MYOZ2: variants seen among roughly 807,000 people sequenced by gnomAD.
MYOZ2 encodes myozenin 2.
A neutral mutation model predicts 25.4 loss-of-function variants in MYOZ2; 19 were observed. The observed-to-expected ratio is 0.75, with a 90% CI of 0.52 to 1.10. The LOEUF (loss-of-function observed/expected upper bound fraction) is 1.10, where lower values mean the gene tolerates loss of function less well. Ranked by LOEUF, MYOZ2 falls within the 50% of genes least tolerant of loss-of-function variation. MYOZ2 has a pLI of 0.00. For missense variants in MYOZ2, 270 were observed against 317.9 expected, an observed-to-expected ratio of 0.85 and a Z score of 1.15; for synonymous variants, 92 against 106.9, an observed-to-expected ratio of 0.86 and a Z score of 0.86.
chr4:119,150,962 G>A lies in MYOZ2; in HGVS notation c.167G>A (p.Arg56Lys). 2 of 1,613,596 alleles carry A rather than the reference G, an allele frequency of 1.2e-6. No homozygotes were observed. The highest frequency in any genetic ancestry group is 1.7e-6 in the Non-Finnish European group (2 of 1,179,590). Residue 56 changes from arginine (R) to lysine (K), a missense_variant, in exon 3 of 6, where the codon AGG becomes AAG. Transcript: ENST00000307128. Reference sequence around the variant, plus strand: ...TCCCATCTCAGTAACCGTGGTGCCAGGCTATTTAAGATGCGTCAAAGAAGA... The same window carrying A: ...TCCCATCTCAGTAACCGTGGTGCCAAGCTATTTAAGATGCGTCAAAGAAGA... The part of the protein sequence containing the change: ...ELSHLSNRGA[R>K]LFKMRQRRSD...
intron 3 of MYOZ2, among the ~76,000 whole-genome samples, chr4:119,154,856 TAC>T (rs199500749): frequency 2.9e-4 from 9 of 31,556 alleles, no homozygotes; most frequent in South Asian, 1.2e-3. Context: ...AATGTTATAT[TAC>T]ACACACACAC....
intron 5 of MYOZ2, 69 bp from the exon 6 acceptor site, chr4:119,185,897 T>A: frequency 7.8e-7 from 1 of 1,290,204 alleles, no homozygotes; most frequent in Non-Finnish European, 1.1e-6. Context: ...TATAAAATTA[T>A]GAAATTGTTT....
intron 1 of MYOZ2, 144 bp from the exon 2 acceptor site, chr4:119,136,368 G>C (rs1385684124): frequency 2.8e-5 from 20 of 706,562 alleles, no homozygotes; most frequent in Middle Eastern, 3.7e-4. Flanking sequence ...CACCAGATAA[G>C]GAATGCGTAT....
intron 5 of MYOZ2, among the ~76,000 whole-genome samples, chr4:119,181,725 T>C (rs1022457123): frequency 6.6e-6 from 1 of 152,178 alleles, no homozygotes; most frequent in Non-Finnish European, 1.5e-5. Context: ...GGAGTATATA[T>C]GTATTAAACA....
intron 2 of MYOZ2, among the ~76,000 whole-genome samples, chr4:119,136,948 C>T (rs1455096510): frequency 1.3e-5 from 2 of 151,978 alleles, no homozygotes; most frequent in Non-Finnish European, 2.9e-5. Flanking sequence ...CTTTATTGTC[C>T]ATCCCACATG....
At position 119,159,782 on chromosome 4, in the gene MYOZ2, T is replaced by C. The variant is rs11946430; in HGVS notation, c.376+1631T>C. On this transcript the variant is annotated intron_variant, in intron 4 of 5. Transcript: ENST00000307128. ...AGCACCTGTACAACATTAAATATTA[T>C]TTAAAAATAAGGTATTAGAGCATTC... Among the ~76,000 whole-genome samples, 450 of 152,228 alleles carry C rather than the reference T, an allele frequency of 3.0e-3. 4 individuals carry two copies. Among genetic ancestry groups the C allele is most frequent in the African/African-American group, 0.01 (431 of 41,542 alleles).
chr4:119,163,122 G>T (rs1741745769), intron 4 of MYOZ2, among the ~76,000 whole-genome samples: 1 of 152,060 alleles, frequency 6.6e-6, no homozygotes, highest in South Asian at 2.1e-4. Context: ...GCAGAGAAAA[G>T]GAGCCTACAC....
intron 2 of MYOZ2, among the ~76,000 whole-genome samples, chr4:119,140,787 T>C (rs1355973185): frequency 6.6e-6 from 1 of 152,230 alleles, no homozygotes; most frequent in Non-Finnish European, 1.5e-5. Flanking sequence ...ACATTGGTAA[T>C]GTCATTTTTT....
At chr4:119,161,714 G>T (rs971644613) in intron 4 of MYOZ2, among the ~76,000 whole-genome samples, 19 of 151,984 alleles carry the variant, frequency 1.3e-4, no homozygotes, top group African/African-American at 4.6e-4. Context: ...ACATAACCAT[G>T]GTTCCTTAAT....
intron 3 of MYOZ2, 40 bp from the exon 4 acceptor site, chr4:119,157,982 T>G: frequency 6.2e-7 from 1 of 1,611,784 alleles, no homozygotes. Flanking sequence ...GTGCTTACAT[T>G]TTTGAGTTTT....
intron 5 of MYOZ2, among the ~76,000 whole-genome samples, chr4:119,185,505 G>C (rs1306142653): frequency 6.6e-6 from 1 of 152,068 alleles, no homozygotes; most frequent in Non-Finnish European, 1.5e-5. Flanking sequence ...AGTAGAGACA[G>C]GATTTTGCCA....
chr4:119,143,594 C>T (rs369833784), intron 2 of MYOZ2, among the ~76,000 whole-genome samples: 2 of 152,180 alleles, frequency 1.3e-5, no homozygotes, highest in Admixed American at 6.5e-5. Flanking sequence ...CTTTGTGTTA[C>T]GCAGTTCTAC....
chr4:119,166,061 T>G (rs1160954088), intron 5 of MYOZ2, among the ~76,000 whole-genome samples: 1 of 152,108 alleles, frequency 6.6e-6, no homozygotes, highest in Non-Finnish European at 1.5e-5. Context: ...GTGTGAAAAC[T>G]TAATCTGCTA....
At chr4:119,147,919 T>A (rs573130381) in intron 2 of MYOZ2, among the ~76,000 whole-genome samples, 1 of 152,282 alleles carries the variant, frequency 6.6e-6, no homozygotes, top group East Asian at 1.9e-4. Context: ...TATATAGCTA[T>A]ATTTCTGCTT....
At chr4:119,147,518 A>G (rs953086734) in intron 2 of MYOZ2, among the ~76,000 whole-genome samples, 2 of 152,028 alleles carry the variant, frequency 1.3e-5, no homozygotes, top group Non-Finnish European at 2.9e-5. Context: ...AGGTGGGCGG[A>G]TCACTTGAGG....
At position 119,187,509 on chromosome 4, in the gene MYOZ2, A is replaced by G. The variant is rs530047295; in HGVS notation, c.*1309A>G. The G allele has an allele frequency of 9.9e-5, 15 of 152,268 alleles. No homozygotes were observed. Among genetic ancestry groups the G allele is most frequent in the African/African-American group, 3.4e-4 (14 of 41,584 alleles). 9.4% of individuals were successfully genotyped at this position (152,268 alleles called of 1,614,324 possible). ...TTGGTGACTGTTTTAATCATCATCT[A>G]GACTTGTTAAGTAGAAAAATTTTAA... On this transcript the variant is annotated 3_prime_UTR_variant, in exon 6 of 6. Coordinates refer to ENST00000307128, the MANE Select transcript of MYOZ2 (RefSeq NM_016599.5).
chr4:119,170,019 A>T (rs1741914617), intron 5 of MYOZ2, among the ~76,000 whole-genome samples: 1 of 152,198 alleles, frequency 6.6e-6, no homozygotes, highest in Admixed American at 6.5e-5. Context: ...ATATACACAT[A>T]ACATAAAATG....
chr4:119,179,799 T>C (rs1036535480), intron 5 of MYOZ2, among the ~76,000 whole-genome samples: 6 of 152,204 alleles, frequency 3.9e-5, no homozygotes, highest in Admixed American at 3.9e-4. Flanking sequence ...GCAAAAGAAG[T>C]GAACACTGTG....
intron 5 of MYOZ2, among the ~76,000 whole-genome samples, chr4:119,180,898 C>G (rs1742175018): frequency 6.6e-6 from 1 of 152,072 alleles, no homozygotes. Flanking sequence ...ATTGCCAGTA[C>G]TTTTTATATT....
Sources: allele counts gnomAD v4.1 joint callset (sites outside exome capture counted in the v4.1 genomes callset), GRCh38; gene constraint gnomAD v4.1.1; transcripts MANE v1.5; gene names NCBI Gene and HGNC (gene_info 2026-07-23, HGNC 2026-07-21).